Variants in OPRM1 observed in about 807,000 individuals in gnomAD.
OPRM1 encodes the protein mu-type opioid receptor.
OPRM1 carries 27 observed loss-of-function variants against 31.8 expected under a neutral mutation model. The ratio of observed to expected loss-of-function variants is 0.85; its 90% CI spans 0.63 to 1.17. The LOEUF is 1.17. Ranked by LOEUF, OPRM1 falls within the 50% of genes most tolerant of loss-of-function variation. The pLI is 0.00. For synonymous variants in OPRM1, 196 were observed against 189.9 expected, an observed-to-expected ratio of 1.03 and a Z score of -0.26; for missense variants, 536 against 511.1, an observed-to-expected ratio of 1.05 and a Z score of -0.47.
At position 154,119,412 on chromosome 6, in the gene OPRM1, G is replaced by A; in HGVS notation, c.*691G>A. The A allele has an allele frequency of 5.1e-6, 5 of 985,412 alleles. No individual in the cohort carries two copies. The highest frequency in any genetic ancestry group is 6.0e-6 in the Non-Finnish European group (5 of 829,928). 61.0% of individuals were successfully genotyped at this position (985,412 alleles called of 1,614,324 possible). On this transcript the variant is annotated 3_prime_UTR_variant, in exon 4 of 4. Coordinates refer to ENST00000330432, the MANE Select transcript of OPRM1 (RefSeq NM_000914.5). ...CATGCACTGCAAATACTTCCAAAGAGTCATCATGGGGGATTTTTCATTCTT... is the reference window on the plus strand; with the variant it reads ...CATGCACTGCAAATACTTCCAAAGAATCATCATGGGGGATTTTTCATTCTT...
chr6:154,223,278 G>A (rs1159396993), intron 3 of OPRM1: 9 of 1,479,142 alleles, frequency 6.1e-6, no homozygotes, highest in Non-Finnish European at 8.5e-6. Flanking sequence ...AGGAATGAAT[G>A]CATCAATCCT....
At chr6:154,223,916 A>G (rs767108598) in intron 3 of OPRM1, among the ~76,000 whole-genome samples, 10 of 152,258 alleles carry the variant, frequency 6.6e-5, no homozygotes, top group Non-Finnish European at 7.3e-5. Context: ...AGAAAATTAT[A>G]TTTATGAGGA....
At chr6:154,190,050 C>T (rs1275932561) in intron 3 of OPRM1, among the ~76,000 whole-genome samples, 1 of 152,018 alleles carries the variant, frequency 6.6e-6, no homozygotes, top group Non-Finnish European at 1.5e-5. Context: ...ATCTTGTAGA[C>T]AATAATGTAT....
intron 3 of OPRM1, chr6:154,214,231 A>T: frequency 6.2e-7 from 1 of 1,606,566 alleles, no homozygotes; most frequent in Non-Finnish European, 8.5e-7. Flanking sequence ...CATCCTTTGT[A>T]GTGGATTCCT....
At chr6:154,066,511 C>T (rs1220856586) in intron 1 of OPRM1, among the ~76,000 whole-genome samples, 1 of 151,332 alleles carries the variant, frequency 6.6e-6, no homozygotes, top group East Asian at 1.9e-4. Context: ...AATTATGCAC[C>T]CTCCCATCCC....
At chr6:154,227,255 C>G (rs1779327281) in intron 3 of OPRM1, among the ~76,000 whole-genome samples, 8 of 151,782 alleles carry the variant, frequency 5.3e-5, no homozygotes, top group Admixed American at 5.3e-4. Context: ...AAATAAAAAA[C>G]AATAGTTCCA....
chr6:154,074,891 A>T (rs1309219824), intron 1 of OPRM1, among the ~76,000 whole-genome samples: 1 of 152,194 alleles, frequency 6.6e-6, no homozygotes, highest in Non-Finnish European at 1.5e-5. Flanking sequence ...AAATGTATCT[A>T]TTAAAGGTAG....
intron 3 of OPRM1, among the ~76,000 whole-genome samples, chr6:154,144,376 A>G (rs1747662994): frequency 6.6e-6 from 1 of 152,248 alleles, no homozygotes; most frequent in Non-Finnish European, 1.5e-5. Flanking sequence ...TTTACAGACC[A>G]ATATTCATCC....
intron 3 of OPRM1, among the ~76,000 whole-genome samples, chr6:154,094,535 G>A (rs1279414867): frequency 6.6e-6 from 1 of 152,170 alleles, no homozygotes; most frequent in East Asian, 1.9e-4. Flanking sequence ...GGGCTTGCTC[G>A]GAGGGCAGCT....
Position 154,039,527 on chromosome 6 carries a change from C to G in OPRM1, c.-18C>G. ...CCTGGCTACCTCGCACAGCGGTGCC[C>G]GCCCGGCCGTCAGTACCATGGACAG... On this transcript the variant is annotated 5_prime_UTR_variant, in exon 1 of 4. Transcript: ENST00000330432. 3 of 1,600,280 alleles carry G rather than the reference C, an allele frequency of 1.9e-6. No homozygotes were observed. The highest frequency in any genetic ancestry group is 2.6e-6 in the Non-Finnish European group (3 of 1,173,702).
At chr6:154,093,453 T>G in intron 3 of OPRM1, 1 of 1,613,990 alleles carries the variant, frequency 6.2e-7, no homozygotes, top group South Asian at 1.1e-5. Context: ...TTAAGCATGA[T>G]TATTCTTCAG....
chr6:154,099,363 GAGAGAA>G (rs1794025648), intron 3 of OPRM1, among the ~76,000 whole-genome samples: 1 of 148,206 alleles, frequency 6.7e-6, no homozygotes, highest in Non-Finnish European at 1.5e-5. Context: ...GAGAGAGAGA[GAGAGAA>G]AGAAAGAGAA....
rs114397308 is a variant in OPRM1 at position 154,061,960 on chromosome 6, A to G, written c.290+22126A>G. 3.2e-3 allele frequency among the ~76,000 whole-genome samples: 493 copies of G among 152,340 alleles called. 2 individuals are homozygous for G. Among genetic ancestry groups the G allele is most frequent in the African/African-American group, 0.012 (480 of 41,578 alleles). On this transcript the variant is annotated intron_variant, in intron 1 of 3. Coordinates refer to ENST00000330432, the MANE Select transcript of OPRM1 (RefSeq NM_000914.5). The stretch of plus-strand genomic sequence containing the variant: ...TAAAAACATGCCCATAATTCTTAAG[A>G]TGCTTTAATACATAAAGCTCAATAA...
rs11301836 is a variant in OPRM1 at position 154,131,942 on chromosome 6, G to GT, written c.*13236dup. Among the ~76,000 whole-genome samples, 196 of 137,290 alleles carry GT rather than the reference G, an allele frequency of 1.4e-3. No individual in the cohort carries two copies. Among genetic ancestry groups the GT allele is most frequent in the Middle Eastern group, 3.8e-3 (1 of 266 alleles). 90.1% of individuals were successfully genotyped at this position (137,290 alleles called of 152,430 possible). A position where few individuals can be genotyped will look rare whatever the true frequency, so the allele number is the denominator to read the frequency against. Reference sequence around the variant, plus strand: ...CTGGGAGTTTTTCTATAAGTTTTTGGTTTTTTTTTTTTTTTCTCTTCATTA... The same window carrying GT: ...CTGGGAGTTTTTCTATAAGTTTTTGGTTTTTTTTTTTTTTTTCTCTTCATTA... On this transcript the variant is annotated 3_prime_UTR_variant, in exon 4 of 4. Coordinates refer to ENST00000330432, the MANE Select transcript of OPRM1 (RefSeq NM_000914.5).
At chr6:154,209,770 A>C (rs2128603140) in intron 3 of OPRM1, among the ~76,000 whole-genome samples, 1 of 152,292 alleles carries the variant, frequency 6.6e-6, no homozygotes, top group South Asian at 2.1e-4. Context: ...AACAAAAACA[A>C]AATCTGTCTG....
intron 1 of OPRM1, among the ~76,000 whole-genome samples, chr6:154,029,826 C>T (rs908188772): frequency 2.0e-5 from 3 of 152,142 alleles, no homozygotes; most frequent in Non-Finnish European, 4.4e-5. Context: ...GGGTTTTTCC[C>T]CCTTTGCTCT....
chr6:154,246,306 A>G (rs1781038340), intron 3 of OPRM1, among the ~76,000 whole-genome samples: 1 of 152,226 alleles, frequency 6.6e-6, no homozygotes, highest in African/African-American at 2.4e-5. Flanking sequence ...TGGAATAGTA[A>G]CATTAATAAC....
chr6:154,144,238 C>G (rs1017491567), intron 3 of OPRM1, among the ~76,000 whole-genome samples: 2 of 152,008 alleles, frequency 1.3e-5, no homozygotes, highest in East Asian at 3.8e-4. Flanking sequence ...TTCTACTAAA[C>G]GTTTAAAGAA....
rs767894271 is a variant in OPRM1 at position 154,122,887 on chromosome 6, A to C, written c.*4166A>C. On this transcript the variant is annotated 3_prime_UTR_variant, in exon 4 of 4. Coordinates refer to ENST00000330432, the MANE Select transcript of OPRM1 (RefSeq NM_000914.5). The stretch of plus-strand genomic sequence containing the variant: ...AGGGTTCTTGGACCTCATGCAAGAA[A>C]GAATTCAGGAGTAAAGTGAAAGTGA... Among the ~76,000 whole-genome samples, 5 of 152,222 alleles carry C rather than the reference A, an allele frequency of 3.3e-5. No homozygotes were observed. The highest frequency in any genetic ancestry group is 5.9e-5 in the Non-Finnish European group (4 of 68,032).
Sources: allele counts gnomAD v4.1 joint callset (sites outside exome capture counted in the v4.1 genomes callset), GRCh38; gene constraint gnomAD v4.1.1; transcripts MANE v1.5; gene names NCBI Gene and HGNC (gene_info 2026-07-23, HGNC 2026-07-21).